Variants in ACTA2 observed in about 807,000 individuals in gnomAD.
The protein encoded by ACTA2 is actin alpha 2, smooth muscle.
ACTA2 carries 12 observed loss-of-function variants against 39.5 expected under a neutral mutation model. The ratio of observed to expected loss-of-function variants is 0.30; its 90% CI spans 0.19 to 0.49. ACTA2 has a LOEUF of 0.49. Ranked by LOEUF, ACTA2 falls within the 20% of genes least tolerant of loss-of-function variation. The pLI, the probability that ACTA2 is intolerant of heterozygous loss-of-function variation, is 0.99. For missense variants in ACTA2, 236 were observed against 498.8 expected, an observed-to-expected ratio of 0.47 and a Z score of 5.02; for synonymous variants, 158 against 180.6, an observed-to-expected ratio of 0.88 and a Z score of 1.00.
At chr10:88,939,410 TG>T in intron 7 of ACTA2, 96 bp downstream of exon 7, 1 of 1,517,212 alleles carries the variant, frequency 6.6e-7, no homozygotes. Context: ...CTTTTGGTCT[TG>T]GGGCAACCGT....
rs1846493186 is a variant in ACTA2, at chr10:88,973,385, C to G, written c.-24+17554G>C. ...TTGCCAGGCGAACAATTGTGAAAAT[C>G]TTTCATAGAGTTCCCGATGAAAACA... On this transcript the variant is annotated intron_variant, in intron 1 of 4. Transcript: ENST00000415557. 4 of 1,426,738 alleles carry G rather than the reference C, an allele frequency of 2.8e-6. No homozygotes were observed. The South Asian group carries it at 4.9e-5, about 18-fold the overall frequency. 88.4% of individuals were successfully genotyped at this position (1,426,738 alleles called of 1,614,324 possible).
upstream of ACTA2, among the ~76,000 whole-genome samples, chr10:88,955,583 T>A (rs1846124961): frequency 1.3e-5 from 2 of 152,206 alleles, no homozygotes; most frequent in African/African-American, 2.4e-5. Flanking sequence ...CTGTTCCTCA[T>A]TTGAGCATAA....
rs1299677380 is a variant in ACTA2 at position 88,941,884 on chromosome 10, A to G, written c.370-15T>C. 1 of 1,605,936 alleles carries G rather than the reference A, an allele frequency of 6.2e-7. No individual in the cohort carries two copies. Among genetic ancestry groups the G allele is most frequent in the Non-Finnish European group, 8.5e-7 (1 of 1,175,318 alleles). On this transcript the variant is annotated splice_polypyrimidine_tract_variant and intron_variant, in intron 4 of 8. Transcript: ENST00000224784. ...TCAAACATAATCTGCAAAGCAATCC[A>G]AAGAGCTGAGTTAGTGAAGGTGCCC...
At chr10:88,956,817 C>T (rs1174062199), upstream of ACTA2, among the ~76,000 whole-genome samples, 6 of 152,122 alleles carry the variant, frequency 3.9e-5, no homozygotes, top group Non-Finnish European at 5.9e-5. Flanking sequence ...TATTTAAAAA[C>T]GAGATTTATT....
chr10:88,970,544 G>A (rs895236836), intron 1 of ACTA2, among the ~76,000 whole-genome samples: 1 of 152,134 alleles, frequency 6.6e-6, no homozygotes, highest in Non-Finnish European at 1.5e-5. Context: ...TAGGAAGAAG[G>A]ACATTCAACC....
intron 1 of ACTA2, among the ~76,000 whole-genome samples, chr10:88,967,694 T>G (rs1237547323): frequency 6.6e-6 from 1 of 152,184 alleles, no homozygotes; most frequent in Non-Finnish European, 1.5e-5. Flanking sequence ...GTTTCATGAT[T>G]TTGTTACTGT....
Position 88,941,987 on chromosome 10 carries a change from C to T in ACTA2, c.370-118G>A, listed in dbSNP as rs1394872823. 3.4e-6 allele frequency: 3 copies of T among 894,126 alleles called. No individual in the cohort carries two copies. The African/African-American group carries it at 5.0e-5, about 15-fold the overall frequency. The allele number at this position is 894,126 out of a possible 1,614,324, so 55.4% of individuals were successfully genotyped here. A position where few individuals can be genotyped will look rare whatever the true frequency, so the allele number is the denominator to read the frequency against. ...CCTGACCTGTTCTGGGCAGAGGAGG[C>T]CAAAGTAAGGAGGTTCAGAACAGCC... is the stretch of plus-strand genomic sequence containing the variant. On this transcript the variant is annotated intron_variant, in intron 4 of 8. Transcript: ENST00000224784.
chr10:88,959,896 G>C (rs1281556196), intron 1 of ACTA2, among the ~76,000 whole-genome samples: 1 of 142,134 alleles, frequency 7.0e-6, no homozygotes, highest in Non-Finnish European at 1.5e-5. Context: ...GTTTGGATTT[G>C]TCTGATGTTT....
At chr10:88,983,559 G>T (rs1399456174) in intron 1 of ACTA2, among the ~76,000 whole-genome samples, 1 of 125,074 alleles carries the variant, frequency 8.0e-6, no homozygotes, top group Non-Finnish European at 1.6e-5. Context: ...GATGGTAACA[G>T]GACCTACTTT....
chr10:88,941,352 C>T lies in ACTA2; in HGVS notation c.493G>A (p.Val165Ile). 6.2e-7 allele frequency: 1 copy of T among 1,613,888 alleles called. No individual in the cohort carries two copies. The highest frequency in any genetic ancestry group is 8.5e-7 in the Non-Finnish European group (1 of 1,179,934). Residue 165 changes from valine (V) to isoleucine (I), a missense_variant, in exon 6 of 9, where the codon GTC (valine) becomes ATC (isoleucine). Transcript: ENST00000224784. ...LDSGDGVTHN[V>I]PIYEGYALPH... is the part of the protein sequence containing the mutation. Reference sequence around the variant, plus strand: ...AAGGCATAGCCCTCATAGATGGGGACATTGTGGGTGACACCATCTCCAGAG... The same window carrying T: ...AAGGCATAGCCCTCATAGATGGGGATATTGTGGGTGACACCATCTCCAGAG...
Position 88,959,590 on chromosome 10 carries a change from T to A in ACTA2, c.-23-10637A>T, listed in dbSNP as rs574906819. Among the ~76,000 whole-genome samples the A allele has an allele frequency of 5.8e-4, 89 of 152,364 alleles. 2 individuals carry two copies. The South Asian group carries it at 0.017, about 29-fold the overall frequency. On this transcript the variant is annotated intron_variant, in intron 1 of 4. Coordinates refer to the ACTA2 transcript ENST00000415557. ...AAGTTGTGAAGATAATACAGAGAGTTCTCATGTACCCTACACCTAGTTTCC... is the reference window on the plus strand; with the variant it reads ...AAGTTGTGAAGATAATACAGAGAGTACTCATGTACCCTACACCTAGTTTCC...
chr10:88,953,768 C>T (rs1014544160), upstream of ACTA2, among the ~76,000 whole-genome samples: 4 of 152,120 alleles, frequency 2.6e-5, no homozygotes, highest in Non-Finnish European at 4.4e-5. Context: ...TGAGTGAGTT[C>T]TCACGATATC....
chr10:88,941,855 A>C lies in ACTA2; in HGVS notation c.384T>G (p.Thr128=). Residue 128 remains threonine (T), a synonymous_variant, in exon 5 of 9, where the codon ACT becomes ACG. Coordinates refer to ENST00000224784, the MANE Select transcript of ACTA2 (RefSeq NM_001613.4). ...REKMTQIMFE[T]FNVPAMYVAI... ...CCACATACATGGCTGGGACATTGAA[A>C]GTCTCAAACATAATCTGCAAAGCAA... 1.9e-6 allele frequency: 3 copies of C among 1,612,578 alleles called. No individual in the cohort carries two copies. Among genetic ancestry groups the C allele is most frequent in the Non-Finnish European group, 2.5e-6 (3 of 1,179,290 alleles).
chr10:88,983,221 A>G (rs1237418274), intron 1 of ACTA2, among the ~76,000 whole-genome samples: 1 of 152,190 alleles, frequency 6.6e-6, no homozygotes, highest in Non-Finnish European at 1.5e-5. Context: ...GTGAACATAA[A>G]CAGCAAAAAT....
At chr10:88,963,177 G>A (rs926989056) in intron 1 of ACTA2, among the ~76,000 whole-genome samples, 1 of 151,208 alleles carries the variant, frequency 6.6e-6, no homozygotes, top group Non-Finnish European at 1.5e-5. Flanking sequence ...CTTGGGTGGG[G>A]ACACAGCCAA....
At chr10:88,946,176 A>C (rs925630825) in intron 3 of ACTA2, among the ~76,000 whole-genome samples, 1 of 151,864 alleles carries the variant, frequency 6.6e-6, no homozygotes, top group African/African-American at 2.4e-5. Context: ...TGATCAGCTC[A>C]CTGCAGCTTC....
chr10:88,963,942 T>G (rs938990722), intron 1 of ACTA2, among the ~76,000 whole-genome samples: 1 of 152,176 alleles, frequency 6.6e-6, no homozygotes, highest in Non-Finnish European at 1.5e-5. Context: ...AAAAGGCTCT[T>G]TCCTACTTTG....
In ACTA2 at chr10:88,990,036, C is replaced by T. The variant is rs1280348644; in HGVS notation, c.-24+903G>A. 1.3e-5 allele frequency among the ~76,000 whole-genome samples: 2 copies of T among 152,012 alleles called. No homozygotes were observed. Among genetic ancestry groups the T allele is most frequent in the East Asian group, 3.8e-4 (2 of 5,198 alleles). Reference sequence around the variant, plus strand: ...AAATTGGCCAGGAAATAATGAGTAACGAAGGACAGGAAGTAATTGTGAATG... The same window carrying T: ...AAATTGGCCAGGAAATAATGAGTAATGAAGGACAGGAAGTAATTGTGAATG... On this transcript the variant is annotated intron_variant, in intron 1 of 4. Transcript: ENST00000415557. This position sits in a 1 kb window ranked among gnomAD's most constrained non-coding sequence, Gnocchi z 4.9.
At position 88,983,102 on chromosome 10, in the gene ACTA2, T is replaced by A. The variant is rs553075984; in HGVS notation, c.-24+7837A>T. On this transcript the variant is annotated intron_variant, in intron 1 of 4. Transcript: ENST00000415557. ...CAGGTAGTTTATATCCATATTGAGG[T>A]TTGAAATGCACTGAGTTAGAGTGTG... is the stretch of plus-strand genomic sequence containing the variant. 5.9e-5 allele frequency among the ~76,000 whole-genome samples: 9 copies of A among 152,268 alleles called. No homozygotes were observed. In the East Asian group the frequency reaches 1.5e-3, roughly 26 times the overall value.
Sources: gnomAD v4.1 joint callset for allele counts (sites outside exome capture counted in the v4.1 genomes callset) on GRCh38, gnomAD v4.1.1 for gene constraint, Gnocchi (gnomAD v3.1) non-coding constraint, MANE v1.5 for transcripts, NCBI Gene and HGNC (gene_info 2026-07-23, HGNC 2026-07-21) for gene names.